Variants in USP25 observed in about 807,000 individuals in gnomAD.
USP25 encodes the protein ubiquitin specific peptidase 25.
In USP25, 85 loss-of-function variants were observed where a neutral mutation model predicts 158.5. That is an observed-to-expected ratio of 0.54 (90% CI 0.45 to 0.64). The LOEUF is 0.64. Ranked by LOEUF, USP25 falls within the 30% of genes least tolerant of loss-of-function variation. USP25 has a pLI of 0.00. For missense variants in USP25, 1,242 were observed against 1,327.3 expected (o/e 0.94, Z 1.00); for synonymous variants, 464 against 460.4 (o/e 1.01, Z -0.10).
intron 9 of USP25, among the ~76,000 whole-genome samples, chr21:15,814,092 G>A (rs1312359836): frequency 6.7e-6 from 1 of 150,070 alleles, no homozygotes; most frequent in Non-Finnish European, 1.5e-5. Flanking sequence ...TTCCATGGCG[G>A]CGACAAGAGA....
intron 9 of USP25, 129 bp from the exon 10 acceptor site, chr21:15,818,563 TTAACAC>T: frequency 1.4e-6 from 1 of 733,006 alleles, no homozygotes; most frequent in Non-Finnish European, 2.1e-6. Context: ...AACAGGAAAA[TTAACAC>T]TAACACTTCT....
intron 6 of USP25, among the ~76,000 whole-genome samples, chr21:15,800,341 A>T (rs1252760376): frequency 2.0e-5 from 3 of 151,352 alleles, no homozygotes. Flanking sequence ...CGTGGGTTCT[A>T]GCTAGGGACC....
intron 5 of USP25, among the ~76,000 whole-genome samples, chr21:15,793,567 G>A (rs2035708009): frequency 6.6e-6 from 1 of 151,260 alleles, no homozygotes; most frequent in Admixed American, 6.6e-5. Flanking sequence ...TCTAAGTTTA[G>A]TGGCTGCTTA....
chr21:15,849,989 G>A (rs2038809478), intron 20 of USP25, 117 bp downstream of exon 20: 1 of 712,186 alleles, frequency 1.4e-6, no homozygotes, highest in East Asian at 2.9e-5. Context: ...TCCTATCTTA[G>A]TTATGGCCAC....
At chr21:15,799,357 A>T (rs2036018561) in intron 5 of USP25, among the ~76,000 whole-genome samples, 1 of 151,292 alleles carries the variant, frequency 6.6e-6, no homozygotes, top group Non-Finnish European at 1.5e-5. Flanking sequence ...CTAGGATCTG[A>T]TGAGTAAATT....
chr21:15,752,213 G>A (rs576450411), intron 1 of USP25, among the ~76,000 whole-genome samples: 29 of 151,996 alleles, frequency 1.9e-4, no homozygotes, highest in African/African-American at 6.0e-4. Context: ...GATTACAGGC[G>A]TGAGCCACTG....
chr21:15,733,823 C>T (rs963783298), intron 1 of USP25, among the ~76,000 whole-genome samples: 2 of 152,084 alleles, frequency 1.3e-5, no homozygotes, highest in East Asian at 1.9e-4. Flanking sequence ...GCCTGGGCGA[C>T]AGAGCAAGAC....
chr21:15,836,521 A>T (rs1427340654), intron 17 of USP25, among the ~76,000 whole-genome samples: 1 of 129,358 alleles, frequency 7.7e-6, no homozygotes, highest in Non-Finnish European at 1.7e-5. Context: ...GGGGATCAGA[A>T]TGAGTAGGGG....
At chr21:15,786,955 C>G (rs2035309215) in intron 4 of USP25, among the ~76,000 whole-genome samples, 1 of 151,978 alleles carries the variant, frequency 6.6e-6, no homozygotes, top group Admixed American at 6.6e-5. Flanking sequence ...AAAATCAGCA[C>G]TTCTATATGC....
chr21:15,795,800 G>T (rs1013515172), intron 5 of USP25, among the ~76,000 whole-genome samples: 4 of 151,436 alleles, frequency 2.6e-5, no homozygotes, highest in African/African-American at 9.7e-5. Flanking sequence ...TAATTGTTCT[G>T]TACATAGACT....
chr21:15,839,447 G>A (rs543824757), intron 17 of USP25, among the ~76,000 whole-genome samples: 2 of 152,246 alleles, frequency 1.3e-5, no homozygotes, highest in East Asian at 3.9e-4. Flanking sequence ...TATTAGTTGC[G>A]TGAGCCTTCC....
intron 17 of USP25, among the ~76,000 whole-genome samples, chr21:15,835,327 T>G (rs1439210262): frequency 6.6e-6 from 1 of 152,184 alleles, no homozygotes; most frequent in Non-Finnish European, 1.5e-5. Flanking sequence ...CTCTCCAAAT[T>G]TTCAGAGTTA....
intron 2 of USP25, among the ~76,000 whole-genome samples, chr21:15,763,382 T>C (rs1297911922): frequency 6.6e-6 from 1 of 152,154 alleles, no homozygotes; most frequent in Non-Finnish European, 1.5e-5. Context: ...ATTTTTCTTC[T>C]CCTGAGAAGC....
chr21:15,762,157 A>G (rs981751397), intron 1 of USP25, among the ~76,000 whole-genome samples: 10 of 123,786 alleles, frequency 8.1e-5, no homozygotes, highest in Non-Finnish European at 1.1e-4. Flanking sequence ...ATCCTATTCT[A>G]TTGACTAGGT....
chr21:15,739,626 C>T (rs1252897267), intron 1 of USP25, among the ~76,000 whole-genome samples: 3 of 152,150 alleles, frequency 2.0e-5, no homozygotes, highest in African/African-American at 7.2e-5. Flanking sequence ...AGTAAGGTGT[C>T]TACAGGGTCT....
In USP25 at chr21:15,831,597, A is replaced by G; in HGVS notation, c.1961A>G (p.Tyr654Cys). 6.2e-7 allele frequency: 1 copy of G among 1,613,940 alleles called. No individual in the cohort carries two copies. Among genetic ancestry groups the G allele is most frequent in the Non-Finnish European group, 8.5e-7 (1 of 1,179,880 alleles). ...YRNASAYCLMYINDKAQFLIQ... is the reference protein window; with the variant it reads ...YRNASAYCLMCINDKAQFLIQ... The stretch of plus-strand genomic sequence containing the variant: ...AATGCCAGTGCATACTGTTTAATGT[A>G]CATAAATGATAAGGCACAGTTCCTA... The change falls in exon 16 of 26, where the codon TAC becomes TGC. Residue 654 changes from tyrosine (Y) to cysteine (C), a missense_variant. Around this residue, in one of 3 missense-constraint regions of USP25, gnomAD observed 608 missense variants for 605.2 expected, o/e 1.00. Coordinates refer to ENST00000400183, the MANE Select transcript of USP25 (RefSeq NM_001283041.3).
intron 20 of USP25, among the ~76,000 whole-genome samples, chr21:15,863,511 T>A (rs1259283623): frequency 6.6e-6 from 1 of 152,160 alleles, no homozygotes; most frequent in Non-Finnish European, 1.5e-5. Flanking sequence ...TCTTTCAGAT[T>A]TGAGTATTGT....
At chr21:15,835,892 A>G (rs760314821) in intron 17 of USP25, among the ~76,000 whole-genome samples, 1 of 152,218 alleles carries the variant, frequency 6.6e-6, no homozygotes, top group Non-Finnish European at 1.5e-5. Flanking sequence ...GATTATATTA[A>G]GAAATTTGTT....
At position 15,787,671 on chromosome 21, in the gene USP25, G is replaced by A. The variant is rs368709780; in HGVS notation, c.393-3831G>A. On this transcript the variant is annotated intron_variant, in intron 4 of 25. Transcript: ENST00000400183. ...TAGTTTGATCCCAATTAAAAATACC[G>A]TTAGTTTTGTTTTTGCTTTTTTAGG... Among the ~76,000 whole-genome samples the A allele has an allele frequency of 5.3e-5, 8 of 151,906 alleles. No individual in the cohort carries two copies. In the South Asian group the frequency reaches 6.2e-4, roughly 12 times the overall value.
Sources: allele counts gnomAD v4.1 joint callset (sites outside exome capture counted in the v4.1 genomes callset), GRCh38; gene constraint gnomAD v4.1.1; regional missense constraint gnomAD v4.1.1; transcripts MANE v1.5; gene names NCBI Gene and HGNC (gene_info 2026-07-23, HGNC 2026-07-21).